The following PRKN variants were observed in gnomAD, a reference collection of about 807,000 sequenced individuals.
PRKN encodes E3 ubiquitin-protein ligase parkin.
PRKN carries 56 observed loss-of-function variants against 59.5 expected under a neutral mutation model. The observed-to-expected ratio is 0.94, with a 90% CI of 0.76 to 1.18. The LOEUF (loss-of-function observed/expected upper bound fraction) is 1.18. Among genes scored for constraint, PRKN ranks in the 50% most tolerant of loss-of-function variants. The probability of loss-of-function intolerance (pLI) is 0.00; values close to 1 mark genes in which losing one functional copy is unlikely to be tolerated. For synonymous variants in PRKN, 250 were observed against 222.1 expected (o/e 1.13, Z -1.12); for missense variants, 657 against 596.4 (o/e 1.10, Z -1.06).
chr6:162,627,603 T>A (rs1394807452), intron 1 of PRKN, among the ~76,000 whole-genome samples: 1 of 151,570 alleles, frequency 6.6e-6, no homozygotes, highest in East Asian at 1.9e-4. Flanking sequence ...ATGACTGAGG[T>A]GAGAGATGAT....
At chr6:162,163,008 A>C (rs1782824977) in intron 4 of PRKN, among the ~76,000 whole-genome samples, 1 of 148,418 alleles carries the variant, frequency 6.7e-6, no homozygotes, top group African/African-American at 2.6e-5. Flanking sequence ...ATTCTGTCTC[A>C]AAAAAATAAA....
chr6:161,669,084 G>C (rs1401776015), intron 7 of PRKN, among the ~76,000 whole-genome samples: 1 of 152,162 alleles, frequency 6.6e-6, no homozygotes, highest in Non-Finnish European at 1.5e-5. Flanking sequence ...CCTTATAGAA[G>C]AGGCCTGAGA....
intron 7 of PRKN, among the ~76,000 whole-genome samples, chr6:161,570,144 A>ATAT (rs57977814): frequency 6.7e-4 from 82 of 121,740 alleles, no homozygotes; most frequent in African/African-American, 1.9e-3. Context: ...AAAAAAAAAA[A>ATAT]AAATATATAT....
intron 6 of PRKN, among the ~76,000 whole-genome samples, chr6:161,852,573 A>G (rs562726631): frequency 6.6e-6 from 1 of 152,302 alleles, no homozygotes; most frequent in South Asian, 2.1e-4. Context: ...TCAACACTCA[A>G]TTCAAGGTAA....
chr6:162,263,139 G>GC, intron 2 of PRKN: 1 of 309,858 alleles, frequency 3.2e-6, no homozygotes, highest in Non-Finnish European at 6.2e-6. Flanking sequence ...GAGTGCAGTG[G>GC]TGTGATTTCC....
intron 7 of PRKN, among the ~76,000 whole-genome samples, chr6:161,577,515 A>T (rs1294805942): frequency 1.3e-5 from 2 of 152,240 alleles, no homozygotes; most frequent in African/African-American, 4.8e-5. Flanking sequence ...CAATACAACC[A>T]CTAATTAGTA....
chr6:161,701,561 T>A (rs1322458345), intron 7 of PRKN, among the ~76,000 whole-genome samples: 2 of 152,214 alleles, frequency 1.3e-5, no homozygotes, highest in African/African-American at 4.8e-5. Flanking sequence ...ACATTTAACC[T>A]ATTACAAAAT....
At chr6:162,232,965 AGAG>A (rs1778486144) in intron 3 of PRKN, among the ~76,000 whole-genome samples, 1 of 152,226 alleles carries the variant, frequency 6.6e-6, no homozygotes, top group African/African-American at 2.4e-5. Context: ...ATTGAGTAAA[AGAG>A]GAAATACACA....
rs1195998687 is a variant in PRKN, at chr6:161,983,762, C to G, written c.619-10345G>C. Among the ~76,000 whole-genome samples the G allele has an allele frequency of 1.9e-4, 17 of 88,412 alleles. 1 individual carries two copies. Among genetic ancestry groups the G allele is most frequent in the African/African-American group, 5.9e-4 (12 of 20,260 alleles). The allele number at this position is 88,412 out of a possible 152,430, so 58.0% of individuals were successfully genotyped here. On this transcript the variant is annotated intron_variant, in intron 5 of 11. Coordinates refer to ENST00000366898, the MANE Select transcript of PRKN (RefSeq NM_004562.3). ...CACACTCTGGGGACTGTGGTGGGGT[C>G]GGGGGAGGGGGGAGGGATAGCATTG...
rs150837080 is a variant in PRKN at position 161,419,344 on chromosome 6, G to A, written c.1084-32467C>T. 3.3e-5 allele frequency among the ~76,000 whole-genome samples: 5 copies of A among 152,130 alleles called. No individual in the cohort carries two copies. Among genetic ancestry groups the A allele is most frequent in the Non-Finnish European group, 7.4e-5 (5 of 67,988 alleles). ...CAGGAGATTTTTGGCCCTAGAACCT[G>A]AGGTCCTAACCACAACACAGAGGGC... On this transcript the variant is annotated intron_variant, in intron 9 of 11. Coordinates refer to ENST00000366898, the MANE Select transcript of PRKN (RefSeq NM_004562.3). The surrounding 1 kb of genome is among the most constrained non-coding windows in gnomAD (Gnocchi z 4.1).
At chr6:162,340,647 T>C (rs749506104) in intron 2 of PRKN, among the ~76,000 whole-genome samples, 1 of 152,188 alleles carries the variant, frequency 6.6e-6, no homozygotes, top group Non-Finnish European at 1.5e-5. Flanking sequence ...CATCTGATCC[T>C]TGACAAACCT....
intron 7 of PRKN, among the ~76,000 whole-genome samples, chr6:161,597,437 G>A (rs925666685): frequency 2.6e-5 from 4 of 152,210 alleles, no homozygotes; most frequent in Admixed American, 6.5e-5. Context: ...TGGTGAACAT[G>A]CCTTGGAATT....
At chr6:162,014,831 T>C (rs1028061623) in intron 5 of PRKN, among the ~76,000 whole-genome samples, 17 of 151,856 alleles carry the variant, frequency 1.1e-4, no homozygotes, top group African/African-American at 4.1e-4. Flanking sequence ...CTCAGCAAGG[T>C]AGTCCTTAAA....
At chr6:162,368,059 C>G (rs1785548433) in intron 2 of PRKN, among the ~76,000 whole-genome samples, 1 of 152,146 alleles carries the variant, frequency 6.6e-6, no homozygotes, top group Admixed American at 6.5e-5. Context: ...TTTCCCCTGA[C>G]CTGCCTTTGG....
chr6:161,536,889 T>C (rs1430423942), intron 9 of PRKN, among the ~76,000 whole-genome samples: 1 of 152,228 alleles, frequency 6.6e-6, no homozygotes, highest in Non-Finnish European at 1.5e-5. Flanking sequence ...ACAGCAATTT[T>C]GAGATCGAAA....
chr6:161,680,344 T>C (rs1228649841), intron 7 of PRKN, among the ~76,000 whole-genome samples: 2 of 152,092 alleles, frequency 1.3e-5, no homozygotes, highest in Non-Finnish European at 2.9e-5. Flanking sequence ...CAAATAAATA[T>C]CTCCATATGG....
chr6:162,360,073 A>G (rs1255293222), intron 2 of PRKN, among the ~76,000 whole-genome samples: 1 of 152,026 alleles, frequency 6.6e-6, no homozygotes, highest in Non-Finnish European at 1.5e-5. Context: ...TAATTTATAT[A>G]TACATATGTG....
chr6:162,654,728 T>G (rs1778575406), intron 1 of PRKN, among the ~76,000 whole-genome samples: 1 of 152,206 alleles, frequency 6.6e-6, no homozygotes. Flanking sequence ...GATGTTTGAT[T>G]GACTCACAGT....
intron 6 of PRKN, among the ~76,000 whole-genome samples, chr6:161,905,655 T>C (rs891147521): frequency 6.6e-6 from 1 of 151,904 alleles, no homozygotes; most frequent in Non-Finnish European, 1.5e-5. Context: ...TATTTATATA[T>C]ATATTTTTTT....
Sources: gnomAD v4.1 joint callset for allele counts (sites outside exome capture counted in the v4.1 genomes callset) on GRCh38, gnomAD v4.1.1 for gene constraint, Gnocchi (gnomAD v3.1) non-coding constraint, MANE v1.5 for transcripts, NCBI Gene and HGNC (gene_info 2026-07-23, HGNC 2026-07-21) for gene names.